The following TRMT11 variants were observed in gnomAD, a reference collection of about 807,000 sequenced individuals.
TRMT11 encodes tRNA (guanine(10)-N(2))-methyltransferase TRMT11.
TRMT11 carries 53 observed loss-of-function variants against 62.8 expected under a neutral mutation model. The observed-to-expected ratio is 0.84, with a 90% confidence interval of 0.68 to 1.06. The LOEUF (loss-of-function observed/expected upper bound fraction) is 1.06. Among genes scored for constraint, TRMT11 ranks in the 50% least tolerant of loss-of-function variants. The pLI, the probability that TRMT11 is intolerant of heterozygous loss-of-function variation, is 0.00. For synonymous variants in TRMT11, 188 were observed against 190.3 expected (o/e 0.99, Z 0.10); for missense variants, 556 against 553.4 (o/e 1.00, Z -0.05).
intron 16 of TRMT11, among the ~76,000 whole-genome samples, chr6:126,049,079 C>T (rs146663664): frequency 8.3e-4 from 127 of 152,326 alleles, no homozygotes; most frequent in African/African-American, 2.8e-3. Flanking sequence ...CATCCACAGG[C>T]ATCTGGAATC....
At chr6:126,257,138 A>C in the TRMT11 span, among the ~76,000 whole-genome samples, 1 of 151,932 alleles carries the variant, frequency 6.6e-6, no homozygotes, top group Non-Finnish European at 1.5e-5. Context: ...CACCCACGTC[A>C]GCATCCCAAT....
intron 10 of TRMT11, 46 bp from the exon 11 acceptor site, chr6:126,012,924 T>C (rs776243155): frequency 2.5e-6 from 4 of 1,609,504 alleles, no homozygotes; most frequent in Non-Finnish European, 1.7e-6. Context: ...AACTTAGCAC[T>C]CTTAAAATTT....
At chr6:126,224,272 A>G in the TRMT11 span, among the ~76,000 whole-genome samples, 1 of 152,172 alleles carries the variant, frequency 6.6e-6, no homozygotes, top group South Asian at 2.1e-4. Flanking sequence ...TTGTGGGTTG[A>G]TGAGAATTCT....
the TRMT11 span, among the ~76,000 whole-genome samples, chr6:126,262,013 G>T: frequency 6.6e-6 from 1 of 152,230 alleles, no homozygotes; most frequent in African/African-American, 2.4e-5. Context: ...AGCGAGGTGG[G>T]AAGTCCTGTG....
At chr6:126,128,923 T>TC (rs1336665980) in intron 21 of TRMT11, among the ~76,000 whole-genome samples, 2 of 151,592 alleles carry the variant, frequency 1.3e-5, no homozygotes, top group East Asian at 3.9e-4. Flanking sequence ...TGATTTTTTT[T>TC]TTTTTTTTTG....
intron 21 of TRMT11, among the ~76,000 whole-genome samples, chr6:126,133,073 A>G (rs1451368366): frequency 6.6e-6 from 1 of 152,032 alleles, no homozygotes; most frequent in Non-Finnish European, 1.5e-5. Flanking sequence ...CTTCCGCAGT[A>G]CAAGGAAGTT....
At chr6:126,253,958 A>T in the TRMT11 span, among the ~76,000 whole-genome samples, 4 of 152,338 alleles carry the variant, frequency 2.6e-5, no homozygotes, top group Admixed American at 2.6e-4. Context: ...AGACCCAGAG[A>T]TTAACTTGCC....
At chr6:126,086,897 C>T (rs1360739359) in intron 17 of TRMT11, among the ~76,000 whole-genome samples, 2 of 152,150 alleles carry the variant, frequency 1.3e-5, no homozygotes, top group Non-Finnish European at 2.9e-5. Context: ...AGAAGGGTTT[C>T]CTCTCTGGCC....
chr6:126,063,226 T>A (rs1363685776), intron 17 of TRMT11, among the ~76,000 whole-genome samples: 1 of 152,206 alleles, frequency 6.6e-6, no homozygotes, highest in Non-Finnish European at 1.5e-5. Context: ...ATTTTGCTTT[T>A]ATAACATGAA....
intron 21 of TRMT11, among the ~76,000 whole-genome samples, chr6:126,144,173 T>C (rs1485980568): frequency 6.6e-6 from 1 of 152,210 alleles, no homozygotes; most frequent in Non-Finnish European, 1.5e-5. Flanking sequence ...TGTTCCGTTT[T>C]GTAAAGCTCA....
In TRMT11 at chr6:126,015,162, C is replaced by G. The variant is rs960558235; in HGVS notation, c.1139+2061C>G. On this transcript the variant is annotated intron_variant, in intron 11 of 12. Transcript: ENST00000334379. ...AATACAGAAAACTCCCATCTCTACC[C>G]TTATCCAGATTTTTCCAATATTAAC... Among the ~76,000 whole-genome samples the G allele has an allele frequency of 2.6e-5, 4 of 152,170 alleles. No homozygotes were observed. The South Asian group carries it at 8.3e-4, about 32-fold the overall frequency.
chr6:126,000,573 C>G (rs1388693061), intron 7 of TRMT11, among the ~76,000 whole-genome samples: 1 of 152,118 alleles, frequency 6.6e-6, no homozygotes, highest in African/African-American at 2.4e-5. Context: ...AGGATTCAAA[C>G]TCAAGCAGTC....
At chr6:126,082,568 G>T (rs1777169633) in intron 17 of TRMT11, among the ~76,000 whole-genome samples, 1 of 151,892 alleles carries the variant, frequency 6.6e-6, no homozygotes, top group Non-Finnish European at 1.5e-5. Context: ...TATCCTCTAT[G>T]CTCTAAAATG....
At chr6:126,264,443 T>C in the TRMT11 span, among the ~76,000 whole-genome samples, 3 of 152,284 alleles carry the variant, frequency 2.0e-5, no homozygotes, top group East Asian at 3.9e-4. Flanking sequence ...TTCTACAAAT[T>C]TCACAAGGAC....
chr6:126,076,986 A>G (rs897284312), intron 17 of TRMT11, among the ~76,000 whole-genome samples: 2 of 152,200 alleles, frequency 1.3e-5, no homozygotes, highest in East Asian at 1.9e-4. Context: ...TCAAAAGTCA[A>G]TCTGAGTAAT....
At chr6:126,013,488 T>A (rs571956335) in intron 11 of TRMT11, among the ~76,000 whole-genome samples, 1 of 152,208 alleles carries the variant, frequency 6.6e-6, no homozygotes, top group Non-Finnish European at 1.5e-5. Flanking sequence ...TTTAAACTTC[T>A]AGGCTCAAGC....
intron 21 of TRMT11, among the ~76,000 whole-genome samples, chr6:126,166,971 G>A (rs1017004811): frequency 6.6e-6 from 1 of 152,174 alleles, no homozygotes; most frequent in Non-Finnish European, 1.5e-5. Context: ...CCCCCACCAA[G>A]CTCAAGTGTC....
At chr6:126,032,567 T>A (rs942878114) in intron 12 of TRMT11, among the ~76,000 whole-genome samples, 2 of 152,186 alleles carry the variant, frequency 1.3e-5, no homozygotes, top group Non-Finnish European at 2.9e-5. Context: ...AGGTCTCAGA[T>A]AAATGTCACT....
At chr6:126,002,747 C>G (rs557763670) in intron 7 of TRMT11, among the ~76,000 whole-genome samples, 135 of 152,208 alleles carry the variant, frequency 8.9e-4, no homozygotes, top group African/African-American at 3.0e-3. Context: ...GTCACTTTAC[C>G]TTTATAACGC....
Sources: allele counts gnomAD v4.1 joint callset (sites outside exome capture counted in the v4.1 genomes callset), GRCh38; gene constraint gnomAD v4.1.1; transcripts MANE v1.5; gene names NCBI Gene and HGNC (gene_info 2026-07-23, HGNC 2026-07-21).